SHANK2: variants seen among roughly 807,000 people sequenced by gnomAD.
SHANK2 encodes SH3 and multiple ankyrin repeat domains protein 2.
SHANK2 carries 43 observed loss-of-function variants against 133.7 expected under a neutral mutation model. That is an observed-to-expected ratio of 0.32 (90% CI 0.25 to 0.41). The LOEUF is 0.41. SHANK2 is among the 10% of genes least tolerant of loss of function. The pLI, the probability that SHANK2 is intolerant of heterozygous loss-of-function variation, is 1.00. For synonymous variants in SHANK2, 1,017 were observed against 952.8 expected (o/e 1.07, Z -1.24); for missense variants, 1,994 against 2,235.8 (o/e 0.89, Z 2.18).
chr11:70,934,683 C>T (rs1555083164), intron 10 of SHANK2, among the ~76,000 whole-genome samples: 2 of 152,188 alleles, frequency 1.3e-5, no homozygotes, highest in Non-Finnish European at 2.9e-5. Context: ...AGAGAAAATG[C>T]TGCTGCTGAA....
chr11:71,087,614 G>A (rs898881088), intron 8 of SHANK2, among the ~76,000 whole-genome samples: 33 of 152,080 alleles, frequency 2.2e-4, no homozygotes, highest in Admixed American at 1.8e-3. Flanking sequence ...GGTCCCATAC[G>A]CATTTAGCTG....
At chr11:71,158,798 T>C (rs1465299129) in intron 2 of SHANK2, among the ~76,000 whole-genome samples, 1 of 152,200 alleles carries the variant, frequency 6.6e-6, no homozygotes, top group African/African-American at 2.4e-5. Flanking sequence ...AGGCTGGGCT[T>C]GTAAATATCA....
chr11:70,575,530 A>C (rs996078521), intron 17 of SHANK2, among the ~76,000 whole-genome samples: 14 of 151,152 alleles, frequency 9.3e-5, no homozygotes, highest in Non-Finnish European at 1.5e-4. Flanking sequence ...AAAAAAAAAG[A>C]AAGTACAAAG....
chr11:71,125,203 G>C (rs1436800472), intron 3 of SHANK2, among the ~76,000 whole-genome samples: 5 of 152,232 alleles, frequency 3.3e-5, no homozygotes, highest in African/African-American at 9.6e-5. Flanking sequence ...GTGTCCAAGT[G>C]AAAGGAAGAG....
intron 25 of SHANK2, among the ~76,000 whole-genome samples, chr11:70,482,957 A>C (rs1275012819): frequency 6.6e-6 from 1 of 152,136 alleles, no homozygotes; most frequent in Non-Finnish European, 1.5e-5. Flanking sequence ...AGAGGGGATG[A>C]GCTGTCCAGC....
At chr11:71,140,735 C>T (rs752553312) in intron 3 of SHANK2, among the ~76,000 whole-genome samples, 5 of 152,184 alleles carry the variant, frequency 3.3e-5, no homozygotes, top group South Asian at 2.1e-4. Context: ...GGTGGAACCC[C>T]GAGGCTCAGA....
At chr11:70,556,162 G>A (rs1426932170) in intron 17 of SHANK2, among the ~76,000 whole-genome samples, 1 of 152,188 alleles carries the variant, frequency 6.6e-6, no homozygotes, top group African/African-American at 2.4e-5. Context: ...ACGGATTTAA[G>A]TTTCCTCCAT....
Position 70,502,881 on chromosome 11 carries a change from C to T in SHANK2, c.2112G>A (p.Met704Ile). 2 of 1,614,138 alleles carry T rather than the reference C, an allele frequency of 1.2e-6. No individual in the cohort carries two copies. Among genetic ancestry groups the T allele is most frequent in the Non-Finnish European group, 8.5e-7 (1 of 1,180,032 alleles). Residue 704 changes from methionine to isoleucine, a missense_variant, in exon 18 of 26, where the codon ATG (methionine) becomes ATA (isoleucine). Met to Ile is a conservative substitution (Grantham distance 10). Coordinates refer to ENST00000601538, the MANE Select transcript of SHANK2 (RefSeq NM_012309.5). ...VKVGHRQVVNMIRQGGNHLVL... is the reference protein window; with the variant it reads ...VKVGHRQVVNIIRQGGNHLVL... ...CCAGGTGATTCCCTCCCTGCCGGAT[C>T]ATGTTCACCACCTGCCTGTGGCCGA...
intron 2 of SHANK2, among the ~76,000 whole-genome samples, chr11:71,148,604 G>A (rs1444351650): frequency 2.2e-4 from 34 of 152,328 alleles, no homozygotes; most frequent in African/African-American, 6.5e-4. Context: ...GAGGCCACGT[G>A]CATATGGAAA....
rs1279663762 is a variant in SHANK2, at chr11:70,561,421, C to A, written c.2062-58490G>T. On this transcript the variant is annotated intron_variant, in intron 17 of 25. Coordinates refer to ENST00000601538, the MANE Select transcript of SHANK2 (RefSeq NM_012309.5). ...CCCAGCTTGGCCTCCCAAAGTGCATCGATTTTCTCGACGTTGCCAAAGAAC... is the reference window on the plus strand; with the variant it reads ...CCCAGCTTGGCCTCCCAAAGTGCATAGATTTTCTCGACGTTGCCAAAGAAC... Among the ~76,000 whole-genome samples the A allele has an allele frequency of 2.6e-5, 4 of 151,994 alleles. No individual in the cohort carries two copies. In the East Asian group the frequency reaches 7.8e-4, roughly 30 times the overall value.
Position 70,472,832 on chromosome 11 carries a change from T to C in SHANK2, c.*37A>G, listed in dbSNP as rs970257669. 12 of 1,595,830 alleles carry C rather than the reference T, an allele frequency of 7.5e-6. No homozygotes were observed. Among genetic ancestry groups the C allele is most frequent in the South Asian group, 1.1e-5 (1 of 90,688 alleles). Reference sequence around the variant, plus strand: ...TTCAGCACGAGCCCATCTCTACTTATAACAAGAGCAGTCTGCGAGGTGGAG... The same window carrying C: ...TTCAGCACGAGCCCATCTCTACTTACAACAAGAGCAGTCTGCGAGGTGGAG... On this transcript the variant is annotated 3_prime_UTR_variant, in exon 26 of 26. Coordinates refer to ENST00000601538, the MANE Select transcript of SHANK2 (RefSeq NM_012309.5). This position sits in a 1 kb window ranked among gnomAD's most constrained non-coding sequence, Gnocchi z 4.4.
intron 17 of SHANK2, among the ~76,000 whole-genome samples, chr11:70,539,037 G>A (rs192042637): frequency 3.3e-5 from 5 of 152,364 alleles, no homozygotes; most frequent in Middle Eastern, 3.4e-3. Flanking sequence ...GCTCGGGGCC[G>A]ATGTACGGGT....
chr11:71,099,287 G>A (rs1203260477), intron 6 of SHANK2, among the ~76,000 whole-genome samples: 1 of 152,112 alleles, frequency 6.6e-6, no homozygotes, highest in Admixed American at 6.5e-5. Flanking sequence ...AGAAGAAAAA[G>A]GTGTGGACTT....
chr11:70,537,964 G>C (rs1376379127), intron 17 of SHANK2, among the ~76,000 whole-genome samples: 1 of 152,180 alleles, frequency 6.6e-6, no homozygotes, highest in Non-Finnish European at 1.5e-5. Context: ...TACATTGAGA[G>C]GGCAGCGAGA....
intron 14 of SHANK2, among the ~76,000 whole-genome samples, chr11:70,769,828 GGTGT>G (rs59744438): frequency 6.6e-6 from 1 of 151,924 alleles, no homozygotes; most frequent in Non-Finnish European, 1.5e-5. Context: ...CACGTGTGTA[GGTGT>G]GTGTGTATGG....
At chr11:70,842,164 C>T (rs1459914643) in intron 11 of SHANK2, among the ~76,000 whole-genome samples, 1 of 152,212 alleles carries the variant, frequency 6.6e-6, no homozygotes, top group Non-Finnish European at 1.5e-5. Flanking sequence ...CAAGCATTTA[C>T]TTCCAAGTAT....
intron 15 of SHANK2, among the ~76,000 whole-genome samples, chr11:70,693,834 A>G (rs1555021622): frequency 6.6e-6 from 1 of 152,156 alleles, no homozygotes; most frequent in African/African-American, 2.4e-5. Context: ...ATGAAGAGAT[A>G]CATATGGATG....
At chr11:70,754,071 C>T (rs369966066) in intron 14 of SHANK2, among the ~76,000 whole-genome samples, 2 of 152,166 alleles carry the variant, frequency 1.3e-5, no homozygotes, top group Non-Finnish European at 2.9e-5. Flanking sequence ...CTCGGCCTCC[C>T]GAAGTGCTGG....
chr11:70,504,998 A>G (rs1369693950), intron 17 of SHANK2, among the ~76,000 whole-genome samples: 1 of 152,190 alleles, frequency 6.6e-6, no homozygotes, highest in African/African-American at 2.4e-5. Context: ...CAGGCAGTTC[A>G]GCTGTCTCTG....
Sources: gnomAD v4.1 joint callset for allele counts (sites outside exome capture counted in the v4.1 genomes callset) on GRCh38, gnomAD v4.1.1 for gene constraint, Gnocchi (gnomAD v3.1) non-coding constraint, MANE v1.5 for transcripts, NCBI Gene and HGNC (gene_info 2026-07-23, HGNC 2026-07-21) for gene names.